Variants in APBA2 observed in about 807,000 individuals in gnomAD.
APBA2 encodes amyloid-beta A4 precursor protein-binding family A member 2.
APBA2 carries 30 observed loss-of-function variants against 75.0 expected under a neutral mutation model. The observed-to-expected ratio is 0.40, with a 90% CI of 0.30 to 0.54. The LOEUF (loss-of-function observed/expected upper bound fraction) is 0.54, where lower values mean the gene tolerates loss of function less well. Ranked by LOEUF, APBA2 falls within the 20% of genes least tolerant of loss-of-function variation. The pLI, the probability that APBA2 is intolerant of heterozygous loss-of-function variation, is 0.49. For synonymous variants in APBA2, 444 were observed against 409.6 expected, an observed-to-expected ratio of 1.08 and a Z score of -1.01; for missense variants, 801 against 1,016.1, an observed-to-expected ratio of 0.79 and a Z score of 2.88.
At chr15:28,913,631 C>T (rs906466854) in intron 1 of APBA2, among the ~76,000 whole-genome samples, 6 of 152,198 alleles carry the variant, frequency 3.9e-5, no homozygotes, top group South Asian at 4.1e-4. Flanking sequence ...AAATCCTTGG[C>T]GGTGCCCCAG....
At chr15:28,995,055 T>C (rs1450093126) in intron 2 of APBA2, among the ~76,000 whole-genome samples, 4 of 152,162 alleles carry the variant, frequency 2.6e-5, no homozygotes, top group Admixed American at 2.6e-4. Context: ...CCCCTCCTCC[T>C]GTTCCACCCC....
intron 3 of APBA2, among the ~76,000 whole-genome samples, chr15:29,029,873 G>GT (rs931986247): frequency 2.6e-5 from 4 of 152,184 alleles, no homozygotes; most frequent in African/African-American, 9.6e-5. Context: ...GGCCTGCGGT[G>GT]TGAGTTCGGG....
chr15:29,114,159 GGGTGAATGGAGCGGCA>G, intron 14 of APBA2, 143 bp downstream of exon 14: 1 of 1,299,204 alleles, frequency 7.7e-7, no homozygotes, highest in Admixed American at 1.9e-5. Flanking sequence ...GCTGTGACAA[GGGTGAATGGAGCGGCA>G]GGTGATGCGG....
intron 4 of APBA2, among the ~76,000 whole-genome samples, chr15:29,059,766 A>G (rs2042053030): frequency 6.6e-6 from 1 of 152,218 alleles, no homozygotes; most frequent in Non-Finnish European, 1.5e-5. Context: ...TGCTCAGGGC[A>G]GCTTTACAGA....
At chr15:28,909,107 C>T (rs2033295299) in intron 1 of APBA2, among the ~76,000 whole-genome samples, 1 of 152,014 alleles carries the variant, frequency 6.6e-6, no homozygotes. Flanking sequence ...CTACCTCAGC[C>T]TCCCAAGTAG....
At chr15:29,097,405 C>T (rs560449769) in intron 8 of APBA2, among the ~76,000 whole-genome samples, 20 of 152,330 alleles carry the variant, frequency 1.3e-4, no homozygotes, top group African/African-American at 4.8e-4. Context: ...CAGACTGCCT[C>T]GAGAACTCAC....
intron 2 of APBA2, among the ~76,000 whole-genome samples, chr15:28,990,163 A>G (rs1333213064): frequency 6.6e-6 from 1 of 152,206 alleles, no homozygotes; most frequent in African/African-American, 2.4e-5. Context: ...CGCGGTGGGC[A>G]CTTTGGGAGG....
chr15:29,083,578 T>C (rs1341747086), intron 6 of APBA2, among the ~76,000 whole-genome samples: 1 of 152,228 alleles, frequency 6.6e-6, no homozygotes, highest in African/African-American at 2.4e-5. Context: ...TCGCCCAGGC[T>C]GGAGTGCAAT....
intron 13 of APBA2, among the ~76,000 whole-genome samples, chr15:29,112,317 A>G (rs1237304810): frequency 6.6e-6 from 1 of 152,238 alleles, no homozygotes; most frequent in Non-Finnish European, 1.5e-5. Flanking sequence ...TGATGACCAC[A>G]GAAACATTCC....
chr15:29,033,503 G>A (rs763732192), intron 3 of APBA2, among the ~76,000 whole-genome samples: 3 of 152,044 alleles, frequency 2.0e-5, no homozygotes, highest in Non-Finnish European at 2.9e-5. Context: ...CAAATTCAGG[G>A]GTCCTCAGGC....
chr15:29,085,449 C>T (rs780106255), intron 6 of APBA2, among the ~76,000 whole-genome samples: 4 of 148,630 alleles, frequency 2.7e-5, no homozygotes, highest in South Asian at 2.1e-4. Context: ...GGCGTGAACC[C>T]GGGAGGCGGA....
chr15:29,079,834 A>G (rs1456855072), intron 6 of APBA2, among the ~76,000 whole-genome samples: 1 of 152,238 alleles, frequency 6.6e-6, no homozygotes, highest in Admixed American at 6.5e-5. Context: ...GAAAAAAATA[A>G]TAGTAACAAT....
At chr15:29,005,072 C>T (rs1000655071) in intron 3 of APBA2, among the ~76,000 whole-genome samples, 8 of 152,254 alleles carry the variant, frequency 5.3e-5, no homozygotes, top group Admixed American at 4.6e-4. Flanking sequence ...GGTGCAGTTG[C>T]TTCTGGTCCT....
At chr15:28,956,180 G>A (rs796971361) in intron 2 of APBA2, among the ~76,000 whole-genome samples, 1 of 152,154 alleles carries the variant, frequency 6.6e-6, no homozygotes, top group Non-Finnish European at 1.5e-5. Context: ...TAACAGAAGG[G>A]TGGGGCAGAG....
intron 3 of APBA2, among the ~76,000 whole-genome samples, chr15:29,047,693 A>G (rs928158903): frequency 3.3e-5 from 5 of 152,212 alleles, no homozygotes; most frequent in African/African-American, 1.2e-4. Flanking sequence ...CAGGGTAGTT[A>G]GACAAGATGA....
rs193169669 is a variant in APBA2, at chr15:28,991,573, T to C, written c.-94-4180T>C. Among the ~76,000 whole-genome samples the C allele has an allele frequency of 5.3e-5, 8 of 152,172 alleles. No individual in the cohort carries two copies. Among genetic ancestry groups the C allele is most frequent in the African/African-American group, 1.9e-4 (8 of 41,452 alleles). Reference sequence around the variant, plus strand: ...GTGAGTGTGAACCCCCATTACAAGCTTTCCCTCATGAGATGGCGCTGATCA... The same window carrying C: ...GTGAGTGTGAACCCCCATTACAAGCCTTCCCTCATGAGATGGCGCTGATCA... On this transcript the variant is annotated intron_variant, in intron 2 of 14. Transcript: ENST00000683413. This position sits in a 1 kb window ranked among gnomAD's most constrained non-coding sequence, Gnocchi z 4.7.
chr15:29,057,106 A>T (rs891190703), intron 4 of APBA2, among the ~76,000 whole-genome samples: 1 of 152,142 alleles, frequency 6.6e-6, no homozygotes, highest in African/African-American at 2.4e-5. Flanking sequence ...TGCTGTCCAC[A>T]TAGTGTAGTG....
intron 6 of APBA2, among the ~76,000 whole-genome samples, chr15:29,078,676 A>C (rs1051922162): frequency 2.0e-5 from 3 of 150,240 alleles, no homozygotes; most frequent in Non-Finnish European, 4.4e-5. Context: ...CGCCGGTTCG[A>C]TGGCTCTGTG....
chr15:28,961,147 A>G (rs1362123443), intron 2 of APBA2, among the ~76,000 whole-genome samples: 2 of 152,192 alleles, frequency 1.3e-5, no homozygotes, highest in African/African-American at 4.8e-5. Flanking sequence ...AAGTTCATCC[A>G]GGATTCCTTT....
Sources: gnomAD v4.1 joint callset for allele counts (sites outside exome capture counted in the v4.1 genomes callset) on GRCh38, gnomAD v4.1.1 for gene constraint, Gnocchi (gnomAD v3.1) non-coding constraint, MANE v1.5 for transcripts, NCBI Gene and HGNC (gene_info 2026-07-23, HGNC 2026-07-21) for gene names.